The following ADGRB3 variants were observed in gnomAD, a reference collection of about 807,000 sequenced individuals.
The protein encoded by ADGRB3 is brain-specific angiogenesis inhibitor 3.
ADGRB3 carries 37 observed loss-of-function variants against 193.4 expected under a neutral mutation model. That is an observed-to-expected ratio of 0.19 (90% CI 0.15 to 0.25). The LOEUF (loss-of-function observed/expected upper bound fraction) is 0.25. Ranked by LOEUF, ADGRB3 falls within the 10% of genes least tolerant of loss-of-function variation. ADGRB3 has a pLI of 1.00. For missense variants in ADGRB3, 1,637 were observed against 1,852.9 expected (o/e 0.88, Z 2.14); for synonymous variants, 690 against 644.2 (o/e 1.07, Z -1.08).
intron 3 of ADGRB3, among the ~76,000 whole-genome samples, chr6:68,648,283 C>T (rs1768262079): frequency 6.6e-6 from 1 of 152,070 alleles, no homozygotes; most frequent in South Asian, 2.1e-4. Flanking sequence ...TTTCCTATAA[C>T]CAGTCCCTAT....
chr6:68,666,276 AT>A (rs1431592826), intron 3 of ADGRB3, among the ~76,000 whole-genome samples: 1 of 151,868 alleles, frequency 6.6e-6, no homozygotes, highest in Non-Finnish European at 1.5e-5. Flanking sequence ...GAATTAGCTC[AT>A]GTGTAGCCAC....
Position 68,851,159 on chromosome 6 carries a change from A to G in ADGRB3, c.758-79400A>G, listed in dbSNP as rs188929179. 2.6e-5 allele frequency among the ~76,000 whole-genome samples: 4 copies of G among 151,868 alleles called. No individual in the cohort carries two copies. The East Asian group carries it at 7.7e-4, about 29-fold the overall frequency. On this transcript the variant is annotated intron_variant, in intron 3 of 31. Coordinates refer to ENST00000370598, the MANE Select transcript of ADGRB3 (RefSeq NM_001704.3). ...AACGTGTTTAGCCTCTTCCTACTATACCTGATACCAGTTAATTTTTCTTTC... is the reference window on the plus strand; with the variant it reads ...AACGTGTTTAGCCTCTTCCTACTATGCCTGATACCAGTTAATTTTTCTTTC...
At chr6:69,189,449 T>C (rs574047339) in intron 17 of ADGRB3, among the ~76,000 whole-genome samples, 7 of 152,356 alleles carry the variant, frequency 4.6e-5, no homozygotes, top group Middle Eastern at 3.4e-3. Flanking sequence ...AGATTTACTA[T>C]TGACCCGGCA....
intron 13 of ADGRB3, among the ~76,000 whole-genome samples, chr6:69,021,708 T>C (rs1770276706): frequency 1.3e-5 from 2 of 151,958 alleles, no homozygotes; most frequent in South Asian, 4.1e-4. Flanking sequence ...TCCTAGAATC[T>C]GATTAAAATC....
chr6:69,346,074 C>T (rs550701549), intron 26 of ADGRB3, among the ~76,000 whole-genome samples: 1 of 152,178 alleles, frequency 6.6e-6, no homozygotes, highest in South Asian at 2.1e-4. Context: ...AACTACAAAC[C>T]ACTGCTCAAG....
chr6:69,190,036 T>A lies in ADGRB3; in HGVS notation c.2481-43254T>A, dbSNP rs142372088. Among the ~76,000 whole-genome samples, 682 of 152,262 alleles carry A rather than the reference T, an allele frequency of 4.5e-3. 3 individuals carry two copies. The highest frequency in any genetic ancestry group is 6.2e-3 in the Non-Finnish European group (425 of 68,016). On this transcript the variant is annotated intron_variant, in intron 17 of 31. Transcript: ENST00000370598. ...ATACGGTATTGCCTTTCATATAAAG[T>A]AGAGCACATACAATTATGTACGGTA...
intron 3 of ADGRB3, among the ~76,000 whole-genome samples, chr6:68,802,212 A>ATG (rs770074423): frequency 8.4e-4 from 115 of 136,228 alleles, no homozygotes; most frequent in Non-Finnish European, 1.2e-3. Flanking sequence ...GTGTGTGTGT[A>ATG]TGTGTGTGTG....
At chr6:69,085,200 T>G (rs1772512362) in intron 17 of ADGRB3, among the ~76,000 whole-genome samples, 2 of 152,082 alleles carry the variant, frequency 1.3e-5, no homozygotes, top group South Asian at 4.1e-4. Flanking sequence ...TTTCTCCTTA[T>G]TCTCAGAAAG....
intron 17 of ADGRB3, among the ~76,000 whole-genome samples, chr6:69,183,823 C>T (rs1765003446): frequency 6.6e-6 from 1 of 151,988 alleles, no homozygotes; most frequent in East Asian, 1.9e-4. Flanking sequence ...CATGAACAAA[C>T]TCATTTTTAT....
At chr6:68,889,502 CTT>C (rs1299384724) in intron 3 of ADGRB3, among the ~76,000 whole-genome samples, 4 of 103,480 alleles carry the variant, frequency 3.9e-5, no homozygotes, top group Non-Finnish European at 7.7e-5. Flanking sequence ...TTTCTTTTCT[CTT>C]TTATTTTTTT....
chr6:68,896,140 G>A, intron 3 of ADGRB3, among the ~76,000 whole-genome samples: 1 of 152,090 alleles, frequency 6.6e-6, no homozygotes, highest in Admixed American at 6.6e-5. Flanking sequence ...TAGGAATTTA[G>A]GTACAAGTAG....
intron 26 of ADGRB3, among the ~76,000 whole-genome samples, chr6:69,342,865 T>C (rs1298094574): frequency 6.6e-6 from 1 of 152,054 alleles, no homozygotes; most frequent in Non-Finnish European, 1.5e-5. Context: ...TTTCTTAAAA[T>C]ATATAAGCAA....
chr6:69,203,799 T>C (rs1765483183), intron 17 of ADGRB3, among the ~76,000 whole-genome samples: 1 of 152,184 alleles, frequency 6.6e-6, no homozygotes, highest in African/African-American at 2.4e-5. Context: ...TTGAATCTCA[T>C]GGTTTAATTG....
intron 3 of ADGRB3, among the ~76,000 whole-genome samples, chr6:68,734,470 A>C (rs1320646729): frequency 6.6e-6 from 1 of 152,038 alleles, no homozygotes; most frequent in Non-Finnish European, 1.5e-5. Flanking sequence ...AATCTTGGGC[A>C]TGCATATAAT....
chr6:68,863,426 T>C (rs1765208930), intron 3 of ADGRB3, among the ~76,000 whole-genome samples: 1 of 151,992 alleles, frequency 6.6e-6, no homozygotes. Context: ...TTATAATGTG[T>C]TTGGGGTAAA....
intron 17 of ADGRB3, among the ~76,000 whole-genome samples, chr6:69,085,355 A>C (rs1179673563): frequency 6.6e-6 from 1 of 152,144 alleles, no homozygotes; most frequent in African/African-American, 2.4e-5. Flanking sequence ...CCTTTACACA[A>C]GAATTTTAAA....
At chr6:69,212,769 G>T (rs573588880) in intron 17 of ADGRB3, among the ~76,000 whole-genome samples, 29 of 152,156 alleles carry the variant, frequency 1.9e-4, no homozygotes, top group African/African-American at 7.0e-4. Flanking sequence ...TTTGATTAAG[G>T]GTCTTTGCAT....
intron 3 of ADGRB3, among the ~76,000 whole-genome samples, chr6:68,666,219 T>C (rs1442033544): frequency 6.6e-6 from 1 of 151,888 alleles, no homozygotes; most frequent in Non-Finnish European, 1.5e-5. Context: ...CTTAAATGCT[T>C]TCAGTCAGGG....
intron 3 of ADGRB3, among the ~76,000 whole-genome samples, chr6:68,771,403 CACACACACAT>C (rs1267326497): frequency 6.6e-6 from 1 of 151,698 alleles, no homozygotes; most frequent in Non-Finnish European, 1.5e-5. Context: ...CACACACACA[CACACACACAT>C]ATATGTATAC....
Sources: gnomAD v4.1 joint callset for allele counts (sites outside exome capture counted in the v4.1 genomes callset) on GRCh38, gnomAD v4.1.1 for gene constraint, MANE v1.5 for transcripts, NCBI Gene and HGNC (gene_info 2026-07-23, HGNC 2026-07-21) for gene names.